The following ZPLD1 variants were observed in gnomAD, a reference collection of about 807,000 sequenced individuals.
The protein encoded by ZPLD1 is zona pellucida-like domain-containing protein 1.
Under a neutral mutation model 47.2 loss-of-function variants are expected in ZPLD1, and 34 were observed. The ratio of observed to expected loss-of-function variants is 0.72; its 90% CI spans 0.55 to 0.96. The LOEUF (loss-of-function observed/expected upper bound fraction) is 0.96. Ranked by LOEUF, ZPLD1 falls within the 40% of genes least tolerant of loss-of-function variation. The probability of loss-of-function intolerance (pLI) is 0.00; values close to 1 mark genes in which losing one functional copy is unlikely to be tolerated. For missense variants in ZPLD1, 512 were observed against 505.8 expected (o/e 1.01, Z -0.12); for synonymous variants, 176 against 186.2 (o/e 0.95, Z 0.45).
At chr3:102,464,867 T>TA (rs2107349253) in intron 8 of ZPLD1, among the ~76,000 whole-genome samples, 1 of 152,354 alleles carries the variant, frequency 6.6e-6, no homozygotes, top group South Asian at 2.1e-4. Context: ...CAGCATTTTT[T>TA]ATCTGACAGC....
At chr3:102,437,947 AG>A (rs1228127777) in intron 2 of ZPLD1, among the ~76,000 whole-genome samples, 1 of 152,206 alleles carries the variant, frequency 6.6e-6, no homozygotes, top group Non-Finnish European at 1.5e-5. Flanking sequence ...GATTTTGAAA[AG>A]TTGCAGTAGT....
chr3:102,460,733 G>C (rs558023449), intron 6 of ZPLD1, among the ~76,000 whole-genome samples: 5 of 151,758 alleles, frequency 3.3e-5, no homozygotes, highest in Non-Finnish European at 7.4e-5. Context: ...AATTCCAGTA[G>C]GAAAAAATTG....
intron 7 of ZPLD1, among the ~76,000 whole-genome samples, chr3:102,407,936 A>T (rs1190881773): frequency 6.6e-6 from 1 of 151,886 alleles, no homozygotes; most frequent in Non-Finnish European, 1.5e-5. Context: ...TTTGTATGAA[A>T]TGTCACAGAG....
intron 8 of ZPLD1, among the ~76,000 whole-genome samples, chr3:102,424,965 G>C (rs190381746): frequency 3.3e-5 from 5 of 151,558 alleles, no homozygotes; most frequent in Non-Finnish European, 7.4e-5. Context: ...ACTCTCCAAG[G>C]CTGTGTAGGT....
chr3:102,468,217 T>C (rs199731231), intron 8 of ZPLD1, among the ~76,000 whole-genome samples: 2 of 152,284 alleles, frequency 1.3e-5, no homozygotes, highest in East Asian at 3.9e-4. Context: ...CATATATTGC[T>C]TGTGAAGTCC....
chr3:102,429,195 T>G (rs1188532943), intron 8 of ZPLD1, among the ~76,000 whole-genome samples: 1 of 152,196 alleles, frequency 6.6e-6, no homozygotes, highest in Non-Finnish European at 1.5e-5. Flanking sequence ...ATCTAACTCA[T>G]GTAATCTAAG....
At chr3:102,391,947 A>G (rs1706500424) in intron 6 of ZPLD1, among the ~76,000 whole-genome samples, 1 of 152,140 alleles carries the variant, frequency 6.6e-6, no homozygotes, top group South Asian at 2.1e-4. Flanking sequence ...AGCTAAGAAT[A>G]AGTTTTACAT....
At chr3:102,439,707 C>T (rs1452141357) in intron 3 of ZPLD1, among the ~76,000 whole-genome samples, 1 of 152,098 alleles carries the variant, frequency 6.6e-6, no homozygotes, top group Non-Finnish European at 1.5e-5. Flanking sequence ...TTACCACTCC[C>T]ATCTCTGGCA....
chr3:102,421,034 G>T (rs1308350128), intron 8 of ZPLD1, among the ~76,000 whole-genome samples: 1 of 151,834 alleles, frequency 6.6e-6, no homozygotes, highest in East Asian at 1.9e-4. Context: ...TGTAAAGTTA[G>T]GATTCTCTAT....
At chr3:102,422,476 C>G (rs1362756848) in intron 8 of ZPLD1, among the ~76,000 whole-genome samples, 3 of 152,050 alleles carry the variant, frequency 2.0e-5, no homozygotes, top group Non-Finnish European at 4.4e-5. Context: ...AAATGCTGAT[C>G]TAAATGCATA....
intron 10 of ZPLD1, among the ~76,000 whole-genome samples, chr3:102,471,937 A>G (rs1369405633): frequency 1.3e-5 from 2 of 152,198 alleles, no homozygotes; most frequent in Non-Finnish European, 2.9e-5. Flanking sequence ...TTCATTTTAT[A>G]TTAGCCTTAA....
At chr3:102,431,978 A>C (rs1707021141), upstream of ZPLD1, among the ~76,000 whole-genome samples, 1 of 152,186 alleles carries the variant, frequency 6.6e-6, no homozygotes, top group African/African-American at 2.4e-5. Context: ...CCTGGAGAGA[A>C]GACTGTGTAA....
intron 8 of ZPLD1, among the ~76,000 whole-genome samples, chr3:102,424,851 C>T (rs1457806142): frequency 1.3e-5 from 2 of 152,164 alleles, no homozygotes; most frequent in African/African-American, 4.8e-5. Context: ...AAATGCTGCT[C>T]TTGACTCATT....
At chr3:102,441,713 C>T (rs556689287) in intron 3 of ZPLD1, among the ~76,000 whole-genome samples, 1 of 152,102 alleles carries the variant, frequency 6.6e-6, no homozygotes, top group Admixed American at 6.5e-5. Flanking sequence ...AAACCTCGCC[C>T]TTATATATAG....
chr3:102,443,768 G>T (rs1260441009), intron 3 of ZPLD1, among the ~76,000 whole-genome samples: 1 of 152,144 alleles, frequency 6.6e-6, no homozygotes, highest in Non-Finnish European at 1.5e-5. Context: ...CTTAACCATG[G>T]CATTTTTCTG....
intron 8 of ZPLD1, among the ~76,000 whole-genome samples, chr3:102,419,511 TTC>T (rs575241988): frequency 1.4e-3 from 209 of 152,006 alleles, no homozygotes; most frequent in Admixed American, 2.1e-3. Flanking sequence ...ATTTCTTTGT[TTC>T]TCTCTCTCTT....
At chr3:102,457,083 T>C (rs952061300) in intron 5 of ZPLD1, among the ~76,000 whole-genome samples, 1 of 152,256 alleles carries the variant, frequency 6.6e-6, no homozygotes, top group Non-Finnish European at 1.5e-5. Context: ...AGCGAACGCT[T>C]TCTCCAATTT....
At chr3:102,425,814 T>G (rs1043640950) in intron 8 of ZPLD1, among the ~76,000 whole-genome samples, 17 of 151,722 alleles carry the variant, frequency 1.1e-4, no homozygotes, top group African/African-American at 4.1e-4. Flanking sequence ...TTGACAACAT[T>G]TACTTTGATC....
At chr3:102,392,588 TTTC>T (rs151011133) in intron 7 of ZPLD1, among the ~76,000 whole-genome samples, 1,599 of 146,680 alleles carry the variant, frequency 0.011, 21 homozygotes, top group African/African-American at 0.039. Context: ...CCCTTCCTTC[TTTC>T]TTCTTCTTCT....
Sources: allele counts gnomAD v4.1 joint callset (sites outside exome capture counted in the v4.1 genomes callset), GRCh38; gene constraint gnomAD v4.1.1; transcripts MANE v1.5; gene names NCBI Gene and HGNC (gene_info 2026-07-23, HGNC 2026-07-21).